CCDC60: variants seen among roughly 807,000 people sequenced by gnomAD.
CCDC60 encodes the protein coiled-coil domain-containing protein 60.
Under a neutral mutation model 63.5 loss-of-function variants are expected in CCDC60, and 54 were observed. The observed-to-expected ratio is 0.85, with a 90% CI of 0.68 to 1.07. The LOEUF is 1.07. Among genes scored for constraint, CCDC60 ranks in the 50% least tolerant of loss-of-function variants. CCDC60 has a pLI of 0.00. For missense variants in CCDC60, 651 were observed against 684.3 expected, an observed-to-expected ratio of 0.95 and a Z score of 0.54; for synonymous variants, 206 against 238.8, an observed-to-expected ratio of 0.86 and a Z score of 1.27.
chr12:119,531,853 G>A (rs1952851644), intron 13 of CCDC60, among the ~76,000 whole-genome samples: 1 of 152,196 alleles, frequency 6.6e-6, no homozygotes, highest in Non-Finnish European at 1.5e-5. Context: ...AAATGCATCA[G>A]CAATACAAGG....
chr12:119,436,501 G>A (rs1950327926), intron 2 of CCDC60, among the ~76,000 whole-genome samples: 1 of 150,772 alleles, frequency 6.6e-6, no homozygotes, highest in Admixed American at 6.6e-5. Context: ...AACACAGCAA[G>A]CAAAGAGAAG....
intron 5 of CCDC60, among the ~76,000 whole-genome samples, chr12:119,489,620 G>T (rs1951537412): frequency 6.6e-6 from 1 of 152,184 alleles, no homozygotes; most frequent in South Asian, 2.1e-4. Context: ...TTTAAGAAGG[G>T]TCAGGTTGTT....
At chr12:119,360,175 C>T (rs982270755) in intron 1 of CCDC60, among the ~76,000 whole-genome samples, 4 of 149,336 alleles carry the variant, frequency 2.7e-5, no homozygotes, top group Non-Finnish European at 4.5e-5. Context: ...GACCCCCCCC[C>T]ACCTCCCTCC....
Position 119,464,302 on chromosome 12 carries a change from C to G in CCDC60, c.171-7692C>G, listed in dbSNP as rs879505813. On this transcript the variant is annotated intron_variant, in intron 2 of 13. Coordinates refer to ENST00000327554, the MANE Select transcript of CCDC60 (RefSeq NM_178499.5). ...GCCAGAGTTGGGTTGCAAGAGCAACCCCCCCCCCACTCTTCCTTACTTCCT... is the reference window on the plus strand; with the variant it reads ...GCCAGAGTTGGGTTGCAAGAGCAACGCCCCCCCCACTCTTCCTTACTTCCT... 2.3e-4 allele frequency among the ~76,000 whole-genome samples: 18 copies of G among 78,998 alleles called. 1 individual carries two copies. The highest frequency in any genetic ancestry group is 1.0e-3 in the East Asian group (2 of 2,006). 51.8% of individuals were successfully genotyped at this position (78,998 alleles called of 152,430 possible).
rs1283034265 is a variant in CCDC60, at chr12:119,420,254, C to T, written c.91-8429C>T. Among the ~76,000 whole-genome samples the T allele has an allele frequency of 6.6e-6, 1 of 151,964 alleles. No individual in the cohort carries two copies. Among genetic ancestry groups the T allele is most frequent in the Non-Finnish European group, 1.5e-5 (1 of 67,982 alleles). On this transcript the variant is annotated intron_variant, in intron 1 of 13. Transcript: ENST00000327554. The surrounding 1 kb of genome is among the most constrained non-coding windows in gnomAD (Gnocchi z 4.1). ...GGATGAGGTCACTAATTCTGGGTAT[C>T]TCTATGTGGGTAGGTACACATCTTA...
intron 3 of CCDC60, among the ~76,000 whole-genome samples, chr12:119,475,993 TA>T (rs1312855627): frequency 6.6e-6 from 1 of 152,132 alleles, no homozygotes; most frequent in Non-Finnish European, 1.5e-5. Flanking sequence ...CACAAAAGTA[TA>T]AAAAATACAA....
intron 2 of CCDC60, among the ~76,000 whole-genome samples, chr12:119,458,778 A>C (rs1950796473): frequency 6.7e-6 from 1 of 149,826 alleles, no homozygotes; most frequent in Non-Finnish European, 1.5e-5. Context: ...ACAGAATCTC[A>C]CTCTGTCACC....
At chr12:119,509,648 A>ATGT (rs1397702559) in intron 7 of CCDC60, among the ~76,000 whole-genome samples, 1 of 125,994 alleles carries the variant, frequency 7.9e-6, no homozygotes, top group African/African-American at 2.7e-5. Flanking sequence ...CTTTAGAATG[A>ATGT]TGATGATGAT....
intron 2 of CCDC60, among the ~76,000 whole-genome samples, chr12:119,459,062 C>T (rs186711052): frequency 5.9e-5 from 9 of 152,232 alleles, no homozygotes; most frequent in Middle Eastern, 3.4e-3. Context: ...CCAAGAGATT[C>T]TTAGAGAACT....
In CCDC60 at chr12:119,524,873, C is replaced by A. The variant is rs533970618; in HGVS notation, c.1229+1055C>A. On this transcript the variant is annotated intron_variant, in intron 11 of 13. Transcript: ENST00000327554. ...TACAGATAGGGTCTTGCTATATTTT[C>A]CAGGCTGGTGTCAAACTCCTGGCCT... is the stretch of plus-strand genomic sequence containing the variant. Among the ~76,000 whole-genome samples, 4 of 151,694 alleles carry A rather than the reference C, an allele frequency of 2.6e-5. 1 individual carries two copies. The South Asian group carries it at 8.3e-4, about 32-fold the overall frequency.
At chr12:119,478,856 C>T (rs1456273939) in intron 3 of CCDC60, among the ~76,000 whole-genome samples, 4 of 151,946 alleles carry the variant, frequency 2.6e-5, no homozygotes, top group East Asian at 1.9e-4. Flanking sequence ...CCACCCGCCT[C>T]GGCCTCCCAA....
At chr12:119,404,874 C>T (rs923751395) in intron 1 of CCDC60, among the ~76,000 whole-genome samples, 2 of 152,160 alleles carry the variant, frequency 1.3e-5, no homozygotes, top group African/African-American at 4.8e-5. Flanking sequence ...TTGCAGTTCC[C>T]ACAAAAAGCT....
At position 119,431,530 on chromosome 12, in the gene CCDC60, G is replaced by C. The variant is rs772851298; in HGVS notation, c.170+2768G>C. ...GGTCAGAATCTTGCAGTCTCCAGCT[G>C]CATGACTCCTAAACCATAATTTCTA... On this transcript the variant is annotated intron_variant, in intron 2 of 13. Transcript: ENST00000327554. 3.3e-5 allele frequency among the ~76,000 whole-genome samples: 5 copies of C among 152,210 alleles called. No individual in the cohort carries two copies. The South Asian group carries it at 8.3e-4, about 25-fold the overall frequency.
chr12:119,491,680 C>T (rs986939960), intron 5 of CCDC60, among the ~76,000 whole-genome samples: 3 of 151,856 alleles, frequency 2.0e-5, no homozygotes, highest in Admixed American at 6.6e-5. Flanking sequence ...AGCTGGATTC[C>T]GGGAAGGAGA....
intron 2 of CCDC60, among the ~76,000 whole-genome samples, chr12:119,436,748 G>A (rs1950334246): frequency 6.6e-6 from 1 of 152,134 alleles, no homozygotes; most frequent in South Asian, 2.1e-4. Flanking sequence ...CCATGGCCAG[G>A]CTGGTCTTGA....
intron 5 of CCDC60, among the ~76,000 whole-genome samples, chr12:119,493,142 C>T (rs952376722): frequency 3.3e-5 from 5 of 152,150 alleles, no homozygotes; most frequent in Non-Finnish European, 5.9e-5. Context: ...CATCAAGCAA[C>T]CAGTATCTCC....
At chr12:119,469,832 C>T (rs1420598220) in intron 2 of CCDC60, among the ~76,000 whole-genome samples, 1 of 152,156 alleles carries the variant, frequency 6.6e-6, no homozygotes, top group Admixed American at 6.5e-5. Context: ...TGAACACAGG[C>T]CGATGCAATA....
chr12:119,348,487 A>T (rs764436151), intron 1 of CCDC60, among the ~76,000 whole-genome samples: 1 of 152,144 alleles, frequency 6.6e-6, no homozygotes, highest in South Asian at 2.1e-4. Flanking sequence ...TTGAGTTAGC[A>T]TCTGGGTCAC....
chr12:119,540,586 T>G, intron 13 of CCDC60, 28 bp from the exon 14 acceptor site: 41 of 1,540,346 alleles, frequency 2.7e-5, no homozygotes, highest in Non-Finnish European at 3.6e-5. Context: ...GAGCAAATTC[T>G]GAGATTGCCA....
Sources: gnomAD v4.1 joint callset for allele counts (sites outside exome capture counted in the v4.1 genomes callset) on GRCh38, gnomAD v4.1.1 for gene constraint, Gnocchi (gnomAD v3.1) non-coding constraint, MANE v1.5 for transcripts, NCBI Gene and HGNC (gene_info 2026-07-23, HGNC 2026-07-21) for gene names.